Variants in PRKN observed in about 807,000 individuals in gnomAD.
PRKN encodes the protein parkin RBR E3 ubiquitin protein ligase, also known as E3 ubiquitin-protein ligase parkin.
In PRKN, 56 loss-of-function variants were observed where a neutral mutation model predicts 59.5. That is an observed-to-expected ratio of 0.94 (90% CI 0.76 to 1.18). The LOEUF is 1.18. Ranked by LOEUF, PRKN falls within the 50% of genes most tolerant of loss-of-function variation. The pLI is 0.00. For missense variants in PRKN, 657 were observed against 596.4 expected, an observed-to-expected ratio of 1.10 and a Z score of -1.06; for synonymous variants, 250 against 222.1, an observed-to-expected ratio of 1.13 and a Z score of -1.12.
At chr6:162,427,793 C>T (rs1193102391) in intron 2 of PRKN, among the ~76,000 whole-genome samples, 1 of 151,798 alleles carries the variant, frequency 6.6e-6, no homozygotes, top group Non-Finnish European at 1.5e-5. Context: ...CTACAGGCGC[C>T]CCAGACCACG....
intron 4 of PRKN, among the ~76,000 whole-genome samples, chr6:162,087,591 T>TTC (rs1306821433): frequency 9.3e-5 from 13 of 139,914 alleles, no homozygotes; most frequent in African/African-American, 2.9e-4. Flanking sequence ...AATAATTTCT[T>TTC]TTTTTTTTTT....
intron 9 of PRKN, among the ~76,000 whole-genome samples, chr6:161,426,711 T>C (rs1337484668): frequency 6.9e-6 from 1 of 144,380 alleles, no homozygotes; most frequent in Non-Finnish European, 1.5e-5. Context: ...AGAACCCTAA[T>C]ATAGTTATTT....
intron 3 of PRKN, among the ~76,000 whole-genome samples, chr6:162,218,904 T>C (rs113912479): frequency 1.3e-5 from 2 of 152,322 alleles, no homozygotes; most frequent in African/African-American, 4.8e-5. Flanking sequence ...CTCGGCATGG[T>C]GGCTCACACC....
intron 1 of PRKN, among the ~76,000 whole-genome samples, chr6:162,587,805 A>AGTAATCTT (rs1172927027): frequency 6.6e-6 from 1 of 152,170 alleles, no homozygotes. Flanking sequence ...ACAGAAAGAA[A>AGTAATCTT]GTAATCTTGA....
chr6:161,364,644 T>TA (rs78620639), intron 10 of PRKN, among the ~76,000 whole-genome samples: 100 of 146,576 alleles, frequency 6.8e-4, no homozygotes, highest in Middle Eastern at 3.6e-3. Context: ...ATTTGCTGGT[T>TA]AAAAAAAAAA....
At chr6:161,522,113 C>A (rs760914273) in intron 9 of PRKN, among the ~76,000 whole-genome samples, 5 of 151,994 alleles carry the variant, frequency 3.3e-5, no homozygotes, top group Non-Finnish European at 7.4e-5. Context: ...CTTAAAAAGC[C>A]GAGTTGGTTT....
chr6:162,302,477 T>C (rs929034670), intron 2 of PRKN, among the ~76,000 whole-genome samples: 9 of 152,140 alleles, frequency 5.9e-5, no homozygotes, highest in Admixed American at 2.6e-4. Flanking sequence ...TGTTCATTGT[T>C]AGCTTTGAAA....
chr6:162,364,567 T>C (rs539527956), intron 2 of PRKN, among the ~76,000 whole-genome samples: 44 of 152,266 alleles, frequency 2.9e-4, no homozygotes, highest in Non-Finnish European at 5.7e-4. Context: ...CAAAGAAGGT[T>C]CTCAAAATAC....
Position 161,480,430 on chromosome 6 carries a change from A to T in PRKN, c.1083+68424T>A, listed in dbSNP as rs1179615497. On this transcript the variant is annotated intron_variant, in intron 9 of 11. Transcript: ENST00000366898. This position sits in a 1 kb window ranked among gnomAD's most constrained non-coding sequence, Gnocchi z 4.1. ...CACAACAATCCTGGAAAAGAATCTT[A>T]ATTCTCTTATTTCACATATGAGAAA... Among the ~76,000 whole-genome samples the T allele has an allele frequency of 6.6e-6, 1 of 152,190 alleles. No individual in the cohort carries two copies. The highest frequency in any genetic ancestry group is 2.4e-5 in the African/African-American group (1 of 41,450).
At chr6:161,973,777 G>A (rs1451274112) in intron 5 of PRKN, among the ~76,000 whole-genome samples, 2 of 152,194 alleles carry the variant, frequency 1.3e-5, no homozygotes, top group African/African-American at 2.4e-5. Context: ...AAAGGGAGAC[G>A]TGAAGCCATG....
At chr6:162,406,829 A>G (rs1788099158) in intron 2 of PRKN, among the ~76,000 whole-genome samples, 1 of 152,006 alleles carries the variant, frequency 6.6e-6, no homozygotes, top group Non-Finnish European at 1.5e-5. Flanking sequence ...TTTTCAGAAT[A>G]CAGATAACAT....
At chr6:162,314,484 G>C (rs1027692891) in intron 2 of PRKN, among the ~76,000 whole-genome samples, 1 of 152,018 alleles carries the variant, frequency 6.6e-6, no homozygotes, top group South Asian at 2.1e-4. Flanking sequence ...TTAAACAGAT[G>C]CCTTAACATT....
chr6:161,871,524 A>C (rs184836754), intron 6 of PRKN, among the ~76,000 whole-genome samples: 11 of 152,220 alleles, frequency 7.2e-5, no homozygotes, highest in Non-Finnish European at 2.9e-5. Context: ...GTATAATAAA[A>C]AGTGTTATAT....
chr6:162,704,595 G>T (rs1207081941), intron 1 of PRKN, among the ~76,000 whole-genome samples: 1 of 152,202 alleles, frequency 6.6e-6, no homozygotes, highest in Non-Finnish European at 1.5e-5. Flanking sequence ...CACCTTAAAT[G>T]TGACTTCCCA....
chr6:162,572,295 A>G (rs1302802212), intron 1 of PRKN, among the ~76,000 whole-genome samples: 1 of 152,182 alleles, frequency 6.6e-6, no homozygotes, highest in Admixed American at 6.5e-5. Context: ...TTTACTCTAC[A>G]TGCTTCCATA....
intron 9 of PRKN, among the ~76,000 whole-genome samples, chr6:161,523,589 G>C (rs1008223243): frequency 1.3e-5 from 2 of 152,150 alleles, no homozygotes; most frequent in African/African-American, 4.8e-5. Context: ...ACTTCACCAT[G>C]GAACTAGCTA....
intron 5 of PRKN, among the ~76,000 whole-genome samples, chr6:162,007,858 AAT>A (rs1283634599): frequency 1.3e-5 from 2 of 152,166 alleles, no homozygotes; most frequent in African/African-American, 4.8e-5. Context: ...AGCCAGAATC[AAT>A]ATACATCCAA....
intron 1 of PRKN, among the ~76,000 whole-genome samples, chr6:162,522,417 C>T (rs556403983): frequency 6.6e-6 from 1 of 152,238 alleles, no homozygotes; most frequent in Non-Finnish European, 1.5e-5. Flanking sequence ...AGCCACTGCA[C>T]CCAGCCTTAC....
At chr6:161,803,146 C>G (rs1027090781) in intron 6 of PRKN, among the ~76,000 whole-genome samples, 1 of 152,198 alleles carries the variant, frequency 6.6e-6, no homozygotes, top group African/African-American at 2.4e-5. Flanking sequence ...TTCCCTTAGC[C>G]TCCAAACACT....
Sources: allele counts gnomAD v4.1 joint callset (sites outside exome capture counted in the v4.1 genomes callset), GRCh38; gene constraint gnomAD v4.1.1; non-coding constraint Gnocchi (gnomAD v3.1); transcripts MANE v1.5; gene names NCBI Gene and HGNC (gene_info 2026-07-23, HGNC 2026-07-21).